NAV2: variants seen among roughly 807,000 people sequenced by gnomAD.
NAV2 encodes the protein neuron navigator 2, also known as helicase, APC down-regulated 1.
In NAV2, 54 loss-of-function variants were observed where a neutral mutation model predicts 223.2. The ratio of observed to expected loss-of-function variants is 0.24; its 90% CI spans 0.19 to 0.30. The LOEUF (loss-of-function observed/expected upper bound fraction) is 0.30. Ranked by LOEUF, NAV2 falls within the 10% of genes least tolerant of loss-of-function variation. The pLI is 1.00. For synonymous variants in NAV2, 1,279 were observed against 1,239.3 expected (o/e 1.03, Z -0.67); for missense variants, 2,806 against 3,147.5 (o/e 0.89, Z 2.60).
At chr11:20,106,485 A>G (rs1293015014) in intron 35 of NAV2, among the ~76,000 whole-genome samples, 3 of 137,074 alleles carry the variant, frequency 2.2e-5, no homozygotes, top group African/African-American at 8.1e-5. Context: ...GCTTGAACCC[A>G]GGAGGCGGAG....
chr11:19,697,206 T>C lies in NAV2; in HGVS notation c.76-135278T>C, dbSNP rs555506613. 2.0e-5 allele frequency among the ~76,000 whole-genome samples: 3 copies of C among 152,296 alleles called. No individual in the cohort carries two copies. The East Asian group carries it at 5.8e-4, about 29-fold the overall frequency. ...AAACCAAATATCGCATGTTCTCACT[T>C]ATAAGAGGGAGCTAAGCACTGAATA... On this transcript the variant is annotated intron_variant, in intron 1 of 37. Transcript: ENST00000360655.
At chr11:19,817,921 C>T (rs1301461164) in intron 1 of NAV2, among the ~76,000 whole-genome samples, 1 of 152,170 alleles carries the variant, frequency 6.6e-6, no homozygotes, top group Admixed American at 6.5e-5. Context: ...CACTGGAGAT[C>T]TCCAAGGGGA....
chr11:20,093,153 A>T lies in NAV2; in HGVS notation c.5870A>T (p.His1957Leu), dbSNP rs755240561. The T allele has an allele frequency of 6.2e-7, 1 of 1,614,116 alleles. No homozygotes were observed. The highest frequency in any genetic ancestry group is 1.1e-5 in the South Asian group (1 of 91,068). Residue 1957 changes from histidine to leucine, a missense_variant, in exon 29 of 38, where the codon CAT becomes CTT. By Grantham distance (99) the His-to-Leu change is moderately conservative. This residue lies in a region of NAV2 where 824 missense variants were observed against 1,069.4 expected (regional missense o/e 0.77). Transcript: ENST00000349880. ...ECSARKEGGRHVKIVVSFQEE... is the reference protein window; with the variant it reads ...ECSARKEGGRLVKIVVSFQEE... ...TCGGCTCGGAAGGAAGGAGGCAGGCATGTTAAGATAGTTGTCAGCTTTCAG... is the reference window on the plus strand; with the variant it reads ...TCGGCTCGGAAGGAAGGAGGCAGGCTTGTTAAGATAGTTGTCAGCTTTCAG...
chr11:19,543,905 C>T (rs2044410066), intron 1 of NAV2, among the ~76,000 whole-genome samples: 1 of 152,206 alleles, frequency 6.6e-6, no homozygotes, highest in East Asian at 1.9e-4. Flanking sequence ...GATAATCCAT[C>T]AATTATTACA....
At chr11:19,398,164 T>G (rs886337916) in intron 1 of NAV2, among the ~76,000 whole-genome samples, 1 of 152,100 alleles carries the variant, frequency 6.6e-6, no homozygotes, top group Non-Finnish European at 1.5e-5. Flanking sequence ...CATCTGCTTC[T>G]GGGGAGGCCT....
At chr11:19,636,219 G>C (rs921586921) in intron 1 of NAV2, among the ~76,000 whole-genome samples, 1 of 152,130 alleles carries the variant, frequency 6.6e-6, no homozygotes, top group African/African-American at 2.4e-5. Flanking sequence ...CTCCATATAT[G>C]TTTCTTATGC....
chr11:19,656,710 C>A (rs1224236524), intron 1 of NAV2, among the ~76,000 whole-genome samples: 1 of 152,198 alleles, frequency 6.6e-6, no homozygotes, highest in Non-Finnish European at 1.5e-5. Context: ...AGCCCAGACC[C>A]ACTGACTTGG....
intron 11 of NAV2, among the ~76,000 whole-genome samples, chr11:20,030,366 G>A (rs2055586700): frequency 6.6e-6 from 1 of 152,130 alleles, no homozygotes; most frequent in Non-Finnish European, 1.5e-5. Flanking sequence ...GTGCTTTTGT[G>A]CCCAAAAATA....
chr11:19,775,240 A>C (rs2152625924), intron 1 of NAV2, among the ~76,000 whole-genome samples: 1 of 152,356 alleles, frequency 6.6e-6, no homozygotes, highest in South Asian at 2.1e-4. Flanking sequence ...ATGCTCTCTC[A>C]TTTCTGATAT....
chr11:19,562,497 T>G (rs1012534355), intron 1 of NAV2, among the ~76,000 whole-genome samples: 1 of 152,194 alleles, frequency 6.6e-6, no homozygotes, highest in Non-Finnish European at 1.5e-5. Flanking sequence ...TGACTCTTCA[T>G]ATTTTTTTTT....
chr11:20,107,057 A>ATTTT lies in NAV2; in HGVS notation c.6842-572_6842-569dup, dbSNP rs10590815. Among the ~76,000 whole-genome samples, 19 of 27,254 alleles carry ATTTT rather than the reference A, an allele frequency of 7.0e-4. 6 individuals are homozygous for ATTTT. Among genetic ancestry groups the ATTTT allele is most frequent in the African/African-American group, 2.6e-3 (19 of 7,388 alleles). 17.9% of individuals were successfully genotyped at this position (27,254 alleles called of 152,430 possible). On this transcript the variant is annotated intron_variant, in intron 35 of 37. Transcript: ENST00000349880. Reference sequence around the variant, plus strand: ...TTTGGACTTGCAGTCATGGGCTTCCATTTTTTTTTTTTTTTTTTTTTTTTT... The same window carrying ATTTT: ...TTTGGACTTGCAGTCATGGGCTTCCATTTTTTTTTTTTTTTTTTTTTTTTTTTTT...
intron 1 of NAV2, among the ~76,000 whole-genome samples, chr11:19,793,226 AAAAGAAAGAAAG>A (rs71050687): frequency 2.4e-5 from 3 of 127,270 alleles, no homozygotes; most frequent in Non-Finnish European, 4.9e-5. Flanking sequence ...AAAAAAAAAA[AAAAGAAAGAAAG>A]AAAGAAAGAA....
intron 2 of NAV2, among the ~76,000 whole-genome samples, chr11:19,836,349 A>G (rs2060232293): frequency 6.6e-6 from 1 of 151,756 alleles, no homozygotes; most frequent in Non-Finnish European, 1.5e-5. Context: ...TGAGGTCAGG[A>G]GATCGAGACC....
At chr11:19,904,409 T>TA (rs112222963) in intron 6 of NAV2, among the ~76,000 whole-genome samples, 2,782 of 146,886 alleles carry the variant, frequency 0.019, 82 homozygotes, top group African/African-American at 0.065. Flanking sequence ...ACTGGTCTTA[T>TA]AAAAAAAAAA....
At chr11:19,404,201 A>AG (rs1203490411) in intron 1 of NAV2, among the ~76,000 whole-genome samples, 5 of 152,064 alleles carry the variant, frequency 3.3e-5, no homozygotes, top group African/African-American at 9.7e-5. Context: ...TTCTTCATGG[A>AG]GGGGGAGATC....
At chr11:19,379,137 A>G (rs376942144) in intron 1 of NAV2, among the ~76,000 whole-genome samples, 106 of 152,274 alleles carry the variant, frequency 7.0e-4, no homozygotes, top group African/African-American at 2.5e-3. Flanking sequence ...TTTGTGGGCC[A>G]GTGAAGTTGG....
chr11:19,861,488 T>G (rs1170812137), intron 3 of NAV2, among the ~76,000 whole-genome samples: 1 of 152,210 alleles, frequency 6.6e-6, no homozygotes, highest in East Asian at 1.9e-4. Context: ...TACCGGTTGT[T>G]GGGCACATAT....
intron 1 of NAV2, among the ~76,000 whole-genome samples, chr11:19,683,643 G>C (rs2048937026): frequency 6.6e-6 from 1 of 152,252 alleles, no homozygotes; most frequent in Non-Finnish European, 1.5e-5. Context: ...TGCCTCAGTA[G>C]AGCAGAGCTG....
At chr11:20,072,007 T>C (rs1166526406) in intron 22 of NAV2, among the ~76,000 whole-genome samples, 1 of 152,236 alleles carries the variant, frequency 6.6e-6, no homozygotes, top group Non-Finnish European at 1.5e-5. Context: ...CATGAAGGCT[T>C]TGCCCATGCC....
Sources: gnomAD v4.1 joint callset for allele counts (sites outside exome capture counted in the v4.1 genomes callset) on GRCh38, gnomAD v4.1.1 for gene constraint, gnomAD v4.1.1 regional missense constraint, MANE v1.5 for transcripts, NCBI Gene and HGNC (gene_info 2026-07-23, HGNC 2026-07-21) for gene names.